Variants in SAMMSON observed in about 807,000 individuals in gnomAD.
The protein encoded by SAMMSON is long intergenic non-protein coding RNA 1212.
intron 6 of SAMMSON, among the ~76,000 whole-genome samples, chr3:70,284,545 C>T (rs1335974253): frequency 6.6e-6 from 1 of 152,162 alleles, no homozygotes; most frequent in Non-Finnish European, 1.5e-5. Context: ...GGTACATATA[C>T]ACCACGGAAT....
At chr3:70,048,054 T>C (rs1051568885) in intron 3 of SAMMSON, among the ~76,000 whole-genome samples, 1 of 152,002 alleles carries the variant, frequency 6.6e-6, no homozygotes, top group East Asian at 1.9e-4. Flanking sequence ...AAAATACCAC[T>C]CAGGTAATTA....
chr3:70,105,726 A>G (rs145549261), intron 4 of SAMMSON, among the ~76,000 whole-genome samples: 102 of 152,364 alleles, frequency 6.7e-4, no homozygotes, highest in African/African-American at 2.3e-3. Context: ...CAGAACATCA[A>G]AAGCTCAAAA....
At chr3:70,031,287 C>A (rs1194860596) in intron 3 of SAMMSON, among the ~76,000 whole-genome samples, 1 of 151,792 alleles carries the variant, frequency 6.6e-6, no homozygotes, top group African/African-American at 2.4e-5. Flanking sequence ...ATAAGCCAGA[C>A]AAAGGACAAA....
At chr3:70,408,129 G>A (rs1701190896) in intron 2 of SAMMSON, among the ~76,000 whole-genome samples, 1 of 152,180 alleles carries the variant, frequency 6.6e-6, no homozygotes, top group South Asian at 2.1e-4. Context: ...CAAGTCCCTA[G>A]GCTGCACACA....
At chr3:70,265,450 C>T (rs1255080943) in intron 6 of SAMMSON, among the ~76,000 whole-genome samples, 1 of 152,034 alleles carries the variant, frequency 6.6e-6, no homozygotes, top group Non-Finnish European at 1.5e-5. Flanking sequence ...TGATGACCAC[C>T]ACCCCAACCC....
At chr3:70,324,832 AGGTGAT>A (rs1433304114) in intron 7 of SAMMSON, among the ~76,000 whole-genome samples, 15 of 151,882 alleles carry the variant, frequency 9.9e-5, no homozygotes, top group African/African-American at 3.6e-4. Flanking sequence ...ATATATAAAC[AGGTGAT>A]AGAGGAAATA....
chr3:70,430,516 C>T (rs767128940), intron 2 of SAMMSON, among the ~76,000 whole-genome samples: 40 of 152,030 alleles, frequency 2.6e-4, no homozygotes, highest in Non-Finnish European at 3.8e-4. Flanking sequence ...GAAAAAGAGA[C>T]ATTGAGCTTG....
intron 4 of SAMMSON, among the ~76,000 whole-genome samples, chr3:70,228,892 G>A (rs1237335713): frequency 7.2e-5 from 11 of 152,034 alleles, no homozygotes; most frequent in African/African-American, 1.2e-4. Flanking sequence ...TATGTAGTAC[G>A]TGAGGAGAAA....
At chr3:70,247,692 GT>G (rs1701720997) in intron 4 of SAMMSON, among the ~76,000 whole-genome samples, 1 of 151,734 alleles carries the variant, frequency 6.6e-6, no homozygotes, top group Non-Finnish European at 1.5e-5. Context: ...CATTGGTTTT[GT>G]TTCTACTGTA....
chr3:70,059,617 C>T (rs939891732), intron 3 of SAMMSON, among the ~76,000 whole-genome samples: 1 of 151,976 alleles, frequency 6.6e-6, no homozygotes, highest in Non-Finnish European at 1.5e-5. Context: ...CTATTCAGGC[C>T]CTCAGTGGAT....
chr3:70,412,067 A>C (rs1345084430), intron 2 of SAMMSON, among the ~76,000 whole-genome samples: 1 of 152,112 alleles, frequency 6.6e-6, no homozygotes, highest in Non-Finnish European at 1.5e-5. Flanking sequence ...CATTCTATTC[A>C]CTTTTCAATT....
chr3:70,169,667 A>G (rs1365927279), intron 4 of SAMMSON, among the ~76,000 whole-genome samples: 3 of 149,546 alleles, frequency 2.0e-5, no homozygotes, highest in Non-Finnish European at 4.5e-5. Context: ...TTCCTTCTCA[A>G]GAGGTAATTG....
At chr3:70,125,909 C>T in intron 4 of SAMMSON, 1 of 702,698 alleles carries the variant, frequency 1.4e-6, no homozygotes, top group South Asian at 1.5e-5. Context: ...GATAATTCCT[C>T]ATCGTCTTCT....
rs577961006 is a variant in SAMMSON at position 70,173,902 on chromosome 3, C to A, written n.508-75205C>A. ...TTGCAGGGAAATAATATAGATATAC[C>A]AGAACATGTTACCAAGTTCCACATT... is the stretch of plus-strand genomic sequence containing the variant. On this transcript the variant is annotated intron_variant and non_coding_transcript_variant, in intron 4 of 9. Transcript: ENST00000642114. Among the ~76,000 whole-genome samples the A allele has an allele frequency of 1.9e-4, 29 of 151,728 alleles. No homozygotes were observed. In the South Asian group the frequency reaches 3.5e-3, roughly 18 times the overall value.
chr3:70,158,836 C>T (rs2067602715), intron 4 of SAMMSON, among the ~76,000 whole-genome samples: 1 of 151,844 alleles, frequency 6.6e-6, no homozygotes, highest in African/African-American at 2.4e-5. Context: ...TATAGGGGAC[C>T]AAATTTATAC....
intron 3 of SAMMSON, chr3:70,015,321 C>T (rs1015351965): frequency 6.6e-6 from 1 of 151,930 alleles, no homozygotes; most frequent in Non-Finnish European, 1.5e-5. Context: ...AAAAAAAAAC[C>T]ATCTTGGGAC....
At chr3:70,126,343 C>T in intron 4 of SAMMSON, 6 of 1,184,322 alleles carry the variant, frequency 5.1e-6, no homozygotes, top group Non-Finnish European at 6.1e-6. Flanking sequence ...AAAGTATGAC[C>T]TAAAAGTTTC....
At chr3:70,002,083 G>T (rs2066908209) in intron 1 of SAMMSON, among the ~76,000 whole-genome samples, 2 of 152,128 alleles carry the variant, frequency 1.3e-5, no homozygotes, top group Admixed American at 6.5e-5. Flanking sequence ...TTATATGGAT[G>T]TATCACAGTT....
At chr3:70,064,224 C>A (rs1225920608) in intron 3 of SAMMSON, among the ~76,000 whole-genome samples, 2 of 152,116 alleles carry the variant, frequency 1.3e-5, no homozygotes, top group African/African-American at 4.8e-5. Context: ...GTCATTTAAT[C>A]AGAAGGAAAA....
Sources: allele counts gnomAD v4.1 joint callset (sites outside exome capture counted in the v4.1 genomes callset), GRCh38; gene constraint gnomAD v4.1.1; transcripts MANE v1.5; gene names NCBI Gene and HGNC (gene_info 2026-07-23, HGNC 2026-07-21).